Variants in JMY observed in about 807,000 individuals in gnomAD.
The protein encoded by JMY is junction-mediating and -regulatory protein.
In JMY, 46 loss-of-function variants were observed where a neutral mutation model predicts 103.3. The observed-to-expected ratio is 0.45, with a 90% CI of 0.35 to 0.57. The LOEUF (loss-of-function observed/expected upper bound fraction) is 0.57, where lower values mean the gene tolerates loss of function less well. Among genes scored for constraint, JMY ranks in the 20% least tolerant of loss-of-function variants. The pLI is 0.00. For missense variants in JMY, 1,238 were observed against 1,255.2 expected, an observed-to-expected ratio of 0.99 and a Z score of 0.21; for synonymous variants, 526 against 489.3, an observed-to-expected ratio of 1.07 and a Z score of -0.99.
At chr5:79,251,299 A>G (rs1173509139) in intron 1 of JMY, among the ~76,000 whole-genome samples, 1 of 151,906 alleles carries the variant, frequency 6.6e-6, no homozygotes, top group Non-Finnish European at 1.5e-5. Context: ...TGGCACAATC[A>G]TGGCTCATTG....
intron 1 of JMY, among the ~76,000 whole-genome samples, chr5:79,274,163 C>T (rs1224440146): frequency 6.6e-6 from 1 of 151,956 alleles, no homozygotes; most frequent in African/African-American, 2.4e-5. Context: ...GATAATTTAT[C>T]TTTATCTTCA....
chr5:79,266,358 A>C (rs187994894), intron 1 of JMY, among the ~76,000 whole-genome samples: 34 of 152,380 alleles, frequency 2.2e-4, no homozygotes, highest in Admixed American at 6.5e-4. Context: ...TGCTGGGCAC[A>C]GAGTGAGCAG....
chr5:79,254,249 G>T (rs985179824), intron 1 of JMY, among the ~76,000 whole-genome samples: 1 of 151,854 alleles, frequency 6.6e-6, no homozygotes, highest in South Asian at 2.1e-4. Flanking sequence ...GAGCCATCAC[G>T]CCCCAGCTTG....
intron 10 of JMY, among the ~76,000 whole-genome samples, chr5:79,316,564 A>G (rs770725889): frequency 1.4e-4 from 21 of 152,082 alleles, no homozygotes; most frequent in Non-Finnish European, 2.8e-4. Context: ...AATTTCTGCT[A>G]TACAGCTGTA....
intron 7 of JMY, among the ~76,000 whole-genome samples, chr5:79,311,539 C>T (rs1747049010): frequency 6.6e-6 from 1 of 152,098 alleles, no homozygotes; most frequent in Non-Finnish European, 1.5e-5. Flanking sequence ...CTGGTCTGGT[C>T]TTCTGGGAGG....
At position 79,271,201 on chromosome 5, in the gene JMY, T is replaced by C. The variant is rs1001303474; in HGVS notation, c.1033-6709T>C. On this transcript the variant is annotated intron_variant, in intron 1 of 10. Transcript: ENST00000396137. ...CCACCACACCTGGCTATTTTTTTTT[T>C]TTTTTAAATTTTAGTAGAGAGAGTC... Among the ~76,000 whole-genome samples, 29 of 151,828 alleles carry C rather than the reference T, an allele frequency of 1.9e-4. 1 individual carries two copies. The East Asian group carries it at 4.3e-3, about 22-fold the overall frequency.
At chr5:79,267,717 C>T (rs1745625202) in intron 1 of JMY, among the ~76,000 whole-genome samples, 1 of 152,250 alleles carries the variant, frequency 6.6e-6, no homozygotes, top group Admixed American at 6.5e-5. Context: ...GCCCACCCAG[C>T]TCATTTCTTT....
At chr5:79,242,185 T>G (rs1744760945) in intron 1 of JMY, among the ~76,000 whole-genome samples, 1 of 152,210 alleles carries the variant, frequency 6.6e-6, no homozygotes, top group Non-Finnish European at 1.5e-5. Context: ...GTTTTCAAAA[T>G]TATCCGTGTA....
At chr5:79,310,724 G>C (rs1256022941) in intron 7 of JMY, among the ~76,000 whole-genome samples, 1 of 152,148 alleles carries the variant, frequency 6.6e-6, no homozygotes, top group African/African-American at 2.4e-5. Context: ...AACAAAATAT[G>C]AGGATTACTT....
rs545033889 is a variant in JMY at position 79,304,248 on chromosome 5, T to C, written c.1882-2127T>C. Among the ~76,000 whole-genome samples, 8 of 152,240 alleles carry C rather than the reference T, an allele frequency of 5.3e-5. 1 individual carries two copies. Among genetic ancestry groups the C allele is most frequent in the East Asian group, 3.9e-4 (2 of 5,182 alleles). On this transcript the variant is annotated intron_variant, in intron 6 of 10. Coordinates refer to ENST00000396137, the MANE Select transcript of JMY (RefSeq NM_152405.5). ...GAAATAAGGAAGGGTGGTGAAAAGA[T>C]AGGAAATGCAAAACACTAAGTCCTA...
intron 2 of JMY, among the ~76,000 whole-genome samples, chr5:79,287,991 G>T (rs1225926086): frequency 1.3e-5 from 2 of 152,070 alleles, no homozygotes; most frequent in African/African-American, 4.8e-5. Context: ...TTTTAAACCT[G>T]TATGTTTTAA....
At chr5:79,298,379 C>T (rs2112105112) in intron 4 of JMY, among the ~76,000 whole-genome samples, 1 of 152,228 alleles carries the variant, frequency 6.6e-6, no homozygotes, top group Admixed American at 6.5e-5. Flanking sequence ...CAATGTATAT[C>T]CTACAGCTGT....
At chr5:79,320,027 T>C (rs1422264517) in intron 10 of JMY, among the ~76,000 whole-genome samples, 1 of 152,210 alleles carries the variant, frequency 6.6e-6, no homozygotes, top group Non-Finnish European at 1.5e-5. Flanking sequence ...GAGATAGCCA[T>C]AGTCATGCTC....
intron 2 of JMY, among the ~76,000 whole-genome samples, chr5:79,281,586 A>G (rs1463730139): frequency 1.3e-5 from 2 of 152,112 alleles, no homozygotes; most frequent in African/African-American, 4.8e-5. Context: ...ATTTTTGGCA[A>G]TGCAAAGGAA....
chr5:79,270,519 A>C (rs1428323017), intron 1 of JMY, among the ~76,000 whole-genome samples: 1 of 88,878 alleles, frequency 1.1e-5, no homozygotes, highest in Non-Finnish European at 2.6e-5. Context: ...TAAATATTTA[A>C]AATATATATT....
intron 1 of JMY, among the ~76,000 whole-genome samples, chr5:79,263,420 G>T (rs1397225121): frequency 6.6e-6 from 1 of 152,044 alleles, no homozygotes; most frequent in Non-Finnish European, 1.5e-5. Context: ...TTTCAGGCAG[G>T]ATGTGCTCTG....
chr5:79,284,398 C>A, intron 2 of JMY: 1 of 1,377,778 alleles, frequency 7.3e-7, no homozygotes. Context: ...TTGTCTGCAC[C>A]TCTCGGGTCA....
Position 79,306,397 on chromosome 5 carries a change from A to G in JMY, c.1904A>G (p.Asn635Ser), listed in dbSNP as rs1414399580. 6.2e-7 allele frequency: 1 copy of G among 1,612,740 alleles called. No homozygotes were observed. The highest frequency in any genetic ancestry group is 1.3e-5 in the African/African-American group (1 of 75,014). The change falls in exon 7 of 11, where the codon AAT becomes AGT. Residue 635 changes from asparagine to serine, a missense_variant. By Grantham distance (46) the Asn-to-Ser change is conservative. Transcript: ENST00000396137. The part of the protein sequence containing the change: ...NKKEICIAKH[N>S]EKIQQRTRIE... The stretch of plus-strand genomic sequence containing the variant: ...CAGGAAATATGTATTGCAAAACACA[A>G]TGAAAAAATCCAACAGCGCACTCGG...
chr5:79,292,025 C>T (rs1045063978), intron 4 of JMY, among the ~76,000 whole-genome samples: 10 of 152,146 alleles, frequency 6.6e-5, no homozygotes, highest in African/African-American at 1.9e-4. Flanking sequence ...TGCTCATATA[C>T]ACTTTTTGTT....
Sources: allele counts gnomAD v4.1 joint callset (sites outside exome capture counted in the v4.1 genomes callset), GRCh38; gene constraint gnomAD v4.1.1; transcripts MANE v1.5; gene names NCBI Gene and HGNC (gene_info 2026-07-23, HGNC 2026-07-21).